CSMD1: variants seen among roughly 807,000 people sequenced by gnomAD.
CSMD1 encodes CUB and sushi domain-containing protein 1.
Under a neutral mutation model 417.5 loss-of-function variants are expected in CSMD1, and 213 were observed. The ratio of observed to expected loss-of-function variants is 0.51; its 90% CI spans 0.46 to 0.57. CSMD1 has a LOEUF of 0.57. Ranked by LOEUF, CSMD1 falls within the 20% of genes least tolerant of loss-of-function variation. The pLI, the probability that CSMD1 is intolerant of heterozygous loss-of-function variation, is 0.00. For missense variants in CSMD1, 6,923 were observed against 4,529.7 expected (o/e 1.53, Z -15.17); for synonymous variants, 2,862 against 1,736.8 (o/e 1.65, Z -16.11).
chr8:3,398,216 C>G (rs1315669810), intron 16 of CSMD1, among the ~76,000 whole-genome samples: 1 of 152,102 alleles, frequency 6.6e-6, no homozygotes, highest in African/African-American at 2.4e-5. Context: ...TGCTTCAGCT[C>G]CGCCTGCCAA....
Position 2,963,257 on chromosome 8 carries a change from C to T in CSMD1, c.9419G>A (p.Arg3140His), listed in dbSNP as rs768149539. ...SHSAILSCEG[R>H]GVWKGEIPQC... ...GGGGATCTCTCCTTTCCACACCCCGCGACCTTCACAGGAGAGGATGGCGGA... is the reference window on the plus strand; with the variant it reads ...GGGGATCTCTCCTTTCCACACCCCGTGACCTTCACAGGAGAGGATGGCGGA... The change falls in exon 60 of 70, where the codon CGC becomes CAC. Residue 3140 changes from arginine (R) to histidine (H), a missense_variant. Transcript: ENST00000635120. 17 of 1,613,714 alleles carry T rather than the reference C, an allele frequency of 1.1e-5. No homozygotes were observed. Among genetic ancestry groups the T allele is most frequent in the Middle Eastern group, 1.6e-4 (1 of 6,084 alleles).
chr8:3,256,849 A>C (rs891199608), intron 26 of CSMD1, among the ~76,000 whole-genome samples: 2 of 152,180 alleles, frequency 1.3e-5, no homozygotes, highest in Admixed American at 1.3e-4. Flanking sequence ...TTTCCTTTCC[A>C]AGGTAGTTAT....
intron 33 of CSMD1, among the ~76,000 whole-genome samples, chr8:3,193,459 C>G (rs1563130162): frequency 6.6e-6 from 1 of 152,098 alleles, no homozygotes; most frequent in Non-Finnish European, 1.5e-5. Flanking sequence ...CACGGAACGT[C>G]TGGGAAGCGG....
rs144524126 is a variant in CSMD1 at position 3,726,345 on chromosome 8, T to C, written c.932-17854A>G. 4.2e-3 allele frequency among the ~76,000 whole-genome samples: 636 copies of C among 152,306 alleles called. 4 individuals are homozygous for C. The highest frequency in any genetic ancestry group is 0.015 in the African/African-American group (613 of 41,562). ...TAGGCCAATAATAATTCCGGTAATT[T>C]ATTTGTAGCAATAGAACTAATCCAC... On this transcript the variant is annotated intron_variant, in intron 6 of 69. Transcript: ENST00000635120.
intron 1 of CSMD1, among the ~76,000 whole-genome samples, chr8:4,644,203 G>A (rs1157007428): frequency 6.6e-6 from 1 of 152,100 alleles, no homozygotes; most frequent in Admixed American, 6.6e-5. Context: ...GGTTTTCACT[G>A]GTCAGTGTCA....
At chr8:4,548,991 T>G (rs956796424) in intron 2 of CSMD1, among the ~76,000 whole-genome samples, 3 of 152,254 alleles carry the variant, frequency 2.0e-5, no homozygotes, top group African/African-American at 7.2e-5. Context: ...TGTATTTTTT[T>G]ATTTCCAAGT....
At chr8:4,129,819 T>G (rs1585379607) in intron 3 of CSMD1, among the ~76,000 whole-genome samples, 1 of 152,324 alleles carries the variant, frequency 6.6e-6, no homozygotes, top group South Asian at 2.1e-4. Context: ...TTTTCTAAGT[T>G]GTCTCTGACA....
chr8:3,136,697 T>C (rs1326954000), intron 41 of CSMD1, among the ~76,000 whole-genome samples: 2 of 152,156 alleles, frequency 1.3e-5, no homozygotes, highest in African/African-American at 2.4e-5. Flanking sequence ...CACACATGGG[T>C]AGGACCACCA....
At chr8:4,799,349 G>C (rs934135564) in intron 1 of CSMD1, among the ~76,000 whole-genome samples, 2 of 151,974 alleles carry the variant, frequency 1.3e-5, no homozygotes, top group Admixed American at 1.3e-4. Flanking sequence ...GTAATACAAT[G>C]ACGAGTAATT....
At chr8:3,461,477 G>A (rs1459330143) in intron 12 of CSMD1, among the ~76,000 whole-genome samples, 2 of 152,186 alleles carry the variant, frequency 1.3e-5, no homozygotes, top group African/African-American at 4.8e-5. Flanking sequence ...AGCAGGAGTA[G>A]CTGTCTCACC....
chr8:3,297,404 T>C (rs1223225521), intron 25 of CSMD1, among the ~76,000 whole-genome samples: 4 of 152,192 alleles, frequency 2.6e-5, no homozygotes, highest in Non-Finnish European at 4.4e-5. Context: ...TAGATTATGA[T>C]ACTGGGTATC....
Position 3,614,399 on chromosome 8 carries a change from T to A in CSMD1, c.1097+2311A>T, listed in dbSNP as rs1254404864. Among the ~76,000 whole-genome samples, 3 of 152,018 alleles carry A rather than the reference T, an allele frequency of 2.0e-5. No homozygotes were observed. The East Asian group carries it at 5.8e-4, about 29-fold the overall frequency. ...CCTCAGACTTAATGTTCATCCTGAA[T>A]TTAAACCTCTTCTTCAGAAATAAGT... On this transcript the variant is annotated intron_variant, in intron 8 of 69. Transcript: ENST00000635120.
intron 4 of CSMD1, among the ~76,000 whole-genome samples, chr8:4,027,560 C>T (rs1797126685): frequency 6.6e-6 from 1 of 152,094 alleles, no homozygotes; most frequent in Non-Finnish European, 1.5e-5. Context: ...ACGTGCCTTC[C>T]ATCATAACTG....
chr8:3,277,286 C>T (rs1413448860), intron 26 of CSMD1, among the ~76,000 whole-genome samples: 1 of 152,072 alleles, frequency 6.6e-6, no homozygotes, highest in African/African-American at 2.4e-5. Context: ...GGGGAGAGTT[C>T]TAAGCAGAAG....
At chr8:3,728,878 A>C (rs1802649405) in intron 6 of CSMD1, among the ~76,000 whole-genome samples, 1 of 152,214 alleles carries the variant, frequency 6.6e-6, no homozygotes, top group Non-Finnish European at 1.5e-5. Context: ...AGGCAGGGAT[A>C]CTGGCATCCA....
chr8:4,675,251 C>G (rs539799107), intron 1 of CSMD1, among the ~76,000 whole-genome samples: 1 of 152,254 alleles, frequency 6.6e-6, no homozygotes, highest in African/African-American at 2.4e-5. Flanking sequence ...ATTTAAAACA[C>G]TTAAAACTTT....
At chr8:3,930,723 T>G (rs1325669029) in intron 5 of CSMD1, among the ~76,000 whole-genome samples, 1 of 150,410 alleles carries the variant, frequency 6.6e-6, no homozygotes, top group Non-Finnish European at 1.5e-5. Flanking sequence ...AATGGCCTTG[T>G]GAGGAAATTA....
At chr8:4,127,876 A>C (rs1802859429) in intron 3 of CSMD1, among the ~76,000 whole-genome samples, 1 of 152,170 alleles carries the variant, frequency 6.6e-6, no homozygotes, top group African/African-American at 2.4e-5. Context: ...AGACACTGCC[A>C]GCAAATGGTG....
rs147827506 is a variant in CSMD1 at position 4,376,556 on chromosome 8, T to C, written c.415+43397A>G. Among the ~76,000 whole-genome samples the C allele has an allele frequency of 5.6e-4, 86 of 152,336 alleles. 1 individual carries two copies. Among genetic ancestry groups the C allele is most frequent in the African/African-American group, 1.9e-3 (79 of 41,572 alleles). ...ATTTTTAATTTAATTTTATCTCATA[T>C]ATTTGCCTGTTTGTTGTTGTTACAA... On this transcript the variant is annotated intron_variant, in intron 3 of 69. Transcript: ENST00000635120.
Sources: gnomAD v4.1 joint callset for allele counts (sites outside exome capture counted in the v4.1 genomes callset) on GRCh38, gnomAD v4.1.1 for gene constraint, MANE v1.5 for transcripts, NCBI Gene and HGNC (gene_info 2026-07-23, HGNC 2026-07-21) for gene names.